Variants in UNC79 observed in about 807,000 individuals in gnomAD.
UNC79 encodes protein unc-79 homolog.
A neutral mutation model predicts 283.1 loss-of-function variants in UNC79; 37 were observed. The ratio of observed to expected loss-of-function variants is 0.13; its 90% CI spans 0.10 to 0.17. The LOEUF is 0.17. UNC79 is among the 10% of genes least tolerant of loss of function. UNC79 has a pLI of 1.00. For missense variants in UNC79, 2,272 were observed against 3,211.1 expected, an observed-to-expected ratio of 0.71 and a Z score of 7.07; for synonymous variants, 1,107 against 1,200.2, an observed-to-expected ratio of 0.92 and a Z score of 1.61.
At chr14:93,495,181 C>G (rs1420378741) in intron 5 of UNC79, among the ~76,000 whole-genome samples, 1 of 152,172 alleles carries the variant, frequency 6.6e-6, no homozygotes, top group Non-Finnish European at 1.5e-5. Context: ...TTTTACACTG[C>G]TATAAAGAAC....
At chr14:93,446,290 G>A (rs2056456327) in intron 1 of UNC79, among the ~76,000 whole-genome samples, 1 of 152,060 alleles carries the variant, frequency 6.6e-6, no homozygotes, top group African/African-American at 2.4e-5. Flanking sequence ...CCTGCTTTAG[G>A]CGCATTCCAC....
intron 26 of UNC79, 67 bp downstream of exon 27, chr14:93,605,028 C>G: frequency 3.4e-6 from 5 of 1,484,748 alleles, no homozygotes; most frequent in Non-Finnish European, 4.5e-6. Flanking sequence ...GTAGAGAATG[C>G]GGTGTCTCTA....
exon 9 of UNC79, chr14:93,528,570 C>G (rs762432358): frequency 6.2e-7 from 1 of 1,613,582 alleles, no homozygotes; most frequent in African/African-American, 1.3e-5. Context: ...GTGTATAGAC[C>G]CTTCCCTGTC....
At chr14:93,402,828 G>A (rs2055138441) in intron 1 of UNC79, among the ~76,000 whole-genome samples, 1 of 152,182 alleles carries the variant, frequency 6.6e-6, no homozygotes, top group Non-Finnish European at 1.5e-5. Flanking sequence ...CTTCTCTGCT[G>A]TCTCTGCTGA....
rs1056065560 is a variant in UNC79 at position 93,586,689 on chromosome 14, T to G, written c.2883+14T>G. On this transcript the variant is annotated intron_variant, in intron 21 of 48. Transcript: ENST00000555664. ...ACCATTTTCCAGGTATATTTTCTGA[T>G]GTCTTTGAATACTTGGCTTGGTAGC... The G allele has an allele frequency of 1.9e-6, 3 of 1,613,208 alleles. No individual in the cohort carries two copies. The highest frequency in any genetic ancestry group is 2.5e-6 in the Non-Finnish European group (3 of 1,179,796).
rs554188793 is a variant in UNC79 at position 93,392,175 on chromosome 14, T to C, written c.-351+58652T>C. On this transcript the variant is annotated intron_variant, in intron 1 of 49. Coordinates refer to the UNC79 transcript ENST00000256339. ...TTTGGTAATTTCAAATTGAACTAACTCAAATGTGTGTCACCAAGAAGTGAC... is the reference window on the plus strand; with the variant it reads ...TTTGGTAATTTCAAATTGAACTAACCCAAATGTGTGTCACCAAGAAGTGAC... Among the ~76,000 whole-genome samples the C allele has an allele frequency of 2.0e-5, 3 of 152,284 alleles. No individual in the cohort carries two copies. The South Asian group carries it at 6.2e-4, about 32-fold the overall frequency.
At chr14:93,647,627 G>A (rs1302420938) in intron 35 of UNC79, among the ~76,000 whole-genome samples, 5 of 152,136 alleles carry the variant, frequency 3.3e-5, no homozygotes, top group Admixed American at 3.3e-4. Context: ...AGAGTGGGAG[G>A]AGATGAGAGG....
rs2074410777 is a variant in UNC79 at position 93,688,353 on chromosome 14, G to A, written c.6910-312G>A. ...TTTGAGCTAAAACCTGAACAATTAG[G>A]TGAAGAGAGGCAGGAATGGCATTCC... On this transcript the variant is annotated intron_variant, in intron 43 of 48. Transcript: ENST00000555664. The surrounding 1 kb of genome is among the most constrained non-coding windows in gnomAD (Gnocchi z 4.0). 6.6e-6 allele frequency among the ~76,000 whole-genome samples: 1 copy of A among 152,142 alleles called. No homozygotes were observed. Among genetic ancestry groups the A allele is most frequent in the Non-Finnish European group, 1.5e-5 (1 of 68,024 alleles).
intron 26 of UNC79, among the ~76,000 whole-genome samples, chr14:93,609,392 A>G (rs2066133051): frequency 6.6e-6 from 1 of 152,200 alleles, no homozygotes; most frequent in African/African-American, 2.4e-5. Flanking sequence ...CTGGTTTCAA[A>G]TCATCTGAAT....
Position 93,688,465 on chromosome 14 carries a change from A to G in UNC79, c.6910-200A>G, listed in dbSNP as rs1167218957. 6.6e-6 allele frequency among the ~76,000 whole-genome samples: 1 copy of G among 152,158 alleles called. No homozygotes were observed. The highest frequency in any genetic ancestry group is 2.4e-5 in the African/African-American group (1 of 41,440). ...GAAGGGGTAAGTTCTCAGTGGCTGGATCTTTCTGGCTTTGTAGGCTAGGGA... is the reference window on the plus strand; with the variant it reads ...GAAGGGGTAAGTTCTCAGTGGCTGGGTCTTTCTGGCTTTGTAGGCTAGGGA... On this transcript the variant is annotated intron_variant, in intron 43 of 48. Coordinates refer to ENST00000555664, the Ensembl canonical transcript of UNC79. The surrounding 1 kb of genome is among the most constrained non-coding windows in gnomAD (Gnocchi z 4.0).
chr14:93,459,674 C>CTTTTTTTTTTTTTTT (rs34182907), intron 1 of UNC79, among the ~76,000 whole-genome samples: 12 of 90,672 alleles, frequency 1.3e-4, no homozygotes, highest in East Asian at 5.0e-4. Context: ...GTTTATTCAA[C>CTTTTTTTTTTTTTTT]TTTTTTTTTT....
At chr14:93,419,119 C>T (rs2055533707) in intron 1 of UNC79, among the ~76,000 whole-genome samples, 1 of 151,386 alleles carries the variant, frequency 6.6e-6, no homozygotes, top group Non-Finnish European at 1.5e-5. Flanking sequence ...CTGTGTCACG[C>T]TGGGAGCTGT....
chr14:93,447,152 G>T (rs2056485335), intron 1 of UNC79, among the ~76,000 whole-genome samples: 1 of 151,868 alleles, frequency 6.6e-6, no homozygotes, highest in South Asian at 2.1e-4. Context: ...AATATATTTT[G>T]CTTTGAAATG....
intron 1 of UNC79, among the ~76,000 whole-genome samples, chr14:93,434,136 C>A (rs1011984194): frequency 6.6e-6 from 1 of 151,832 alleles, no homozygotes; most frequent in Non-Finnish European, 1.5e-5. Flanking sequence ...TCACCTGAAC[C>A]TGGGAGGCGG....
chr14:93,558,898 G>A lies in UNC79; in HGVS notation c.1756-12996G>A, dbSNP rs571532608. On this transcript the variant is annotated intron_variant, in intron 14 of 48. Transcript: ENST00000555664. ...ATTTTTCCAAGATGCCACCCAGTGGGCCGCATGGGGGAATAAGATGTCAAA... is the reference window on the plus strand; with the variant it reads ...ATTTTTCCAAGATGCCACCCAGTGGACCGCATGGGGGAATAAGATGTCAAA... Among the ~76,000 whole-genome samples the A allele has an allele frequency of 2.6e-5, 4 of 152,148 alleles. No individual in the cohort carries two copies. The South Asian group carries it at 8.3e-4, about 32-fold the overall frequency.
intron 14 of UNC79, among the ~76,000 whole-genome samples, chr14:93,567,612 A>G (rs909723266): frequency 2.0e-5 from 3 of 152,044 alleles, no homozygotes; most frequent in African/African-American, 4.8e-5. Context: ...CTCTGAGCCT[A>G]CTCTGGCTCA....
intron 2 of UNC79, among the ~76,000 whole-genome samples, chr14:93,470,980 C>A (rs577437475): frequency 6.6e-6 from 1 of 152,284 alleles, no homozygotes; most frequent in South Asian, 2.1e-4. Context: ...TTTGGAATTT[C>A]TTCCCCCAGA....
chr14:93,672,021 A>C (rs939086304), intron 40 of UNC79, among the ~76,000 whole-genome samples: 4 of 152,218 alleles, frequency 2.6e-5, no homozygotes, highest in African/African-American at 9.6e-5. Flanking sequence ...TATTATCAAA[A>C]GGACAAAAAA....
intron 33 of UNC79, among the ~76,000 whole-genome samples, 177 bp downstream of exon 36, chr14:93,641,424 G>A (rs756457783): frequency 1.3e-5 from 2 of 152,080 alleles, no homozygotes; most frequent in Admixed American, 6.6e-5. Context: ...TAACCAAAGC[G>A]GGTGGATTGC....
Sources: gnomAD v4.1 joint callset for allele counts (sites outside exome capture counted in the v4.1 genomes callset) on GRCh38, gnomAD v4.1.1 for gene constraint, Gnocchi (gnomAD v3.1) non-coding constraint, MANE v1.5 for transcripts, NCBI Gene and HGNC (gene_info 2026-07-23, HGNC 2026-07-21) for gene names.